NBEA: variants seen among roughly 807,000 people sequenced by gnomAD.
The protein encoded by NBEA is neurobeachin, also known as lysosomal-trafficking regulator 2.
A neutral mutation model predicts 343.4 loss-of-function variants in NBEA; 44 were observed. The ratio of observed to expected loss-of-function variants is 0.13; its 90% confidence interval spans 0.10 to 0.16. The LOEUF is 0.16. NBEA is among the 10% of genes least tolerant of loss of function. The pLI, the probability that NBEA is intolerant of heterozygous loss-of-function variation, is 1.00. For synonymous variants in NBEA, 1,175 were observed against 1,238.7 expected (o/e 0.95, Z 1.08); for missense variants, 2,555 against 3,631.3 (o/e 0.70, Z 7.62).
intron 4 of NBEA, among the ~76,000 whole-genome samples, chr13:35,047,934 A>G (rs1270211213): frequency 6.6e-6 from 1 of 151,708 alleles, no homozygotes; most frequent in Non-Finnish European, 1.5e-5. Flanking sequence ...GAATGGCTAC[A>G]TTTTATTTGA....
intron 33 of NBEA, among the ~76,000 whole-genome samples, chr13:35,221,171 C>A (rs970733009): frequency 1.3e-5 from 2 of 151,970 alleles, no homozygotes; most frequent in African/African-American, 4.8e-5. Context: ...TAGTGAAACC[C>A]CATCTCTGCT....
At chr13:35,494,098 A>G (rs2076590824) in intron 41 of NBEA, among the ~76,000 whole-genome samples, 1 of 151,938 alleles carries the variant, frequency 6.6e-6, no homozygotes, top group Non-Finnish European at 1.5e-5. Flanking sequence ...ATGAATATGA[A>G]TATAAGGAAT....
In NBEA at chr13:35,349,233, A is replaced by G; in HGVS notation, c.6012+17A>G. On this transcript the variant is annotated intron_variant, in intron 37 of 58. Transcript: ENST00000379939. ...GAGTTTGAGGTAAGGTTTTGGGAGT[A>G]GACTAAATTCTGCCTTTCTATTATA... The G allele has an allele frequency of 1.4e-6, 2 of 1,475,834 alleles. No homozygotes were observed. Among genetic ancestry groups the G allele is most frequent in the Non-Finnish European group, 1.9e-6 (2 of 1,072,184 alleles). The allele number at this position is 1,475,834 out of a possible 1,614,324, so 91.4% of individuals were successfully genotyped here. A position where few individuals can be genotyped will look rare whatever the true frequency, so the allele number is the denominator to read the frequency against.
chr13:35,146,822 C>G (rs1403231788), intron 18 of NBEA, among the ~76,000 whole-genome samples: 1 of 152,126 alleles, frequency 6.6e-6, no homozygotes, highest in Non-Finnish European at 1.5e-5. Context: ...TCAGCCCTAT[C>G]TCTATTATTG....
intron 34 of NBEA, among the ~76,000 whole-genome samples, chr13:35,256,424 A>G (rs1287124507): frequency 2.0e-5 from 3 of 152,164 alleles, no homozygotes; most frequent in African/African-American, 4.8e-5. Flanking sequence ...AAAAATCACC[A>G]TAAGTTCTCA....
chr13:35,152,508 C>G (rs1427195605), intron 18 of NBEA, among the ~76,000 whole-genome samples: 2 of 152,108 alleles, frequency 1.3e-5, no homozygotes, highest in Non-Finnish European at 2.9e-5. Flanking sequence ...CCTACTAATA[C>G]TACAAAATTT....
At chr13:35,015,900 A>G (rs968352602) in intron 1 of NBEA, among the ~76,000 whole-genome samples, 1 of 152,136 alleles carries the variant, frequency 6.6e-6, no homozygotes, top group African/African-American at 2.4e-5. Flanking sequence ...GTGCAGTTAT[A>G]ATTATGGCTG....
chr13:35,399,258 T>C (rs1566075951), intron 38 of NBEA, among the ~76,000 whole-genome samples: 2 of 152,140 alleles, frequency 1.3e-5, no homozygotes, highest in Non-Finnish European at 2.9e-5. Context: ...AAGGCTATTT[T>C]GCTTTTGTAT....
intron 38 of NBEA, among the ~76,000 whole-genome samples, chr13:35,409,393 C>T (rs939311835): frequency 7.2e-5 from 11 of 151,804 alleles, no homozygotes; most frequent in Admixed American, 2.0e-4. Context: ...CTGGTGGGTA[C>T]TAGGCTTAAT....
rs749948713 is a variant in NBEA at position 35,606,506 on chromosome 13, A to T, written c.7377A>T (p.Glu2459Asp). 1 of 1,606,982 alleles carries T rather than the reference A, an allele frequency of 6.2e-7. No individual in the cohort carries two copies. The highest frequency in any genetic ancestry group is 8.5e-7 in the Non-Finnish European group (1 of 1,175,654). ...NGYNLGVRED[E>D]VVVNDVDLPP... ...ATAATCTTGGAGTCAGAGAAGATGA[A>T]GTAGTGGTAAATGATGTTGATCTTC... Residue 2459 changes from glutamate to aspartate, a missense_variant, in exon 48 of 59, where the codon GAA becomes GAT. Glu to Asp is a conservative substitution (Grantham distance 45, BLOSUM62 2). Coordinates refer to ENST00000379939, the MANE Select transcript of NBEA (RefSeq NM_001385012.1).
At chr13:35,135,598 C>G (rs2067675083) in intron 17 of NBEA, among the ~76,000 whole-genome samples, 1 of 151,800 alleles carries the variant, frequency 6.6e-6, no homozygotes, top group African/African-American at 2.4e-5. Context: ...GTTAAAAAAA[C>G]TCTTCAAAAG....
intron 1 of NBEA, among the ~76,000 whole-genome samples, chr13:34,951,101 G>A (rs905609512): frequency 6.6e-6 from 1 of 152,144 alleles, no homozygotes; most frequent in Non-Finnish European, 1.5e-5. Flanking sequence ...TATGTATCAA[G>A]GATTTTAAAG....
chr13:35,301,370 G>A lies in NBEA; in HGVS notation c.5839-8158G>A, dbSNP rs368207850. On this transcript the variant is annotated intron_variant, in intron 35 of 58. Transcript: ENST00000379939. Reference sequence around the variant, plus strand: ...AACCCCCCAACAGGCCCCAGTGTGTGATGTTCCCCTACCTGTGTCCATGTG... The same window carrying A: ...AACCCCCCAACAGGCCCCAGTGTGTAATGTTCCCCTACCTGTGTCCATGTG... 7.4e-4 allele frequency among the ~76,000 whole-genome samples: 112 copies of A among 151,886 alleles called. 4 individuals carry two copies. In the South Asian group the frequency reaches 0.023, roughly 31 times the overall value.
chr13:35,151,550 A>G (rs2068790194), intron 18 of NBEA, among the ~76,000 whole-genome samples: 2 of 151,912 alleles, frequency 1.3e-5, no homozygotes, highest in Non-Finnish European at 2.9e-5. Flanking sequence ...TCTCAAAAAA[A>G]AAAAAAAAAA....
chr13:35,388,503 AT>A (rs1384147187), intron 38 of NBEA, among the ~76,000 whole-genome samples: 1 of 152,108 alleles, frequency 6.6e-6, no homozygotes, highest in African/African-American at 2.4e-5. Context: ...TATGTTATCT[AT>A]TTTTTATTAA....
intron 41 of NBEA, among the ~76,000 whole-genome samples, chr13:35,483,443 A>T (rs2076193729): frequency 6.6e-6 from 1 of 152,002 alleles, no homozygotes; most frequent in Non-Finnish European, 1.5e-5. Flanking sequence ...AGTTTATTAG[A>T]TCTAATATTA....
chr13:35,338,368 A>G (rs1223583303), intron 36 of NBEA, among the ~76,000 whole-genome samples: 4 of 152,048 alleles, frequency 2.6e-5, no homozygotes, highest in Non-Finnish European at 1.5e-5. Context: ...AAATGGAAAA[A>G]TTTCTGGAAA....
At chr13:35,639,833 G>T (rs2083858012) in intron 49 of NBEA, among the ~76,000 whole-genome samples, 1 of 151,756 alleles carries the variant, frequency 6.6e-6, no homozygotes, top group Admixed American at 6.6e-5. Flanking sequence ...AGTTTATACA[G>T]ACCAGGGAGA....
chr13:35,078,963 A>T (rs1274860440), intron 10 of NBEA, among the ~76,000 whole-genome samples: 3 of 152,122 alleles, frequency 2.0e-5, no homozygotes, highest in African/African-American at 7.2e-5. Context: ...CGGAGGTTGC[A>T]GAGGGCCGAG....
Sources: gnomAD v4.1 joint callset for allele counts (sites outside exome capture counted in the v4.1 genomes callset) on GRCh38, gnomAD v4.1.1 for gene constraint, MANE v1.5 for transcripts, NCBI Gene and HGNC (gene_info 2026-07-23, HGNC 2026-07-21) for gene names.